The following CEBPZOS variants were observed in gnomAD, a reference collection of about 807,000 sequenced individuals.
CEBPZOS encodes protein CEBPZOS.
Under a neutral mutation model 4.8 loss-of-function variants are expected in CEBPZOS, and 10 were observed. That is an observed-to-expected ratio of 2.07 (90% CI 1.28 to 3.52). CEBPZOS has a LOEUF of 3.52. CEBPZOS is among the 30% of genes most tolerant of loss of function. CEBPZOS has a pLI of 0.00. For synonymous variants in CEBPZOS, 25 were observed against 14.2 expected, an observed-to-expected ratio of 1.77 and a Z score of -1.72; for missense variants, 98 against 43.6, an observed-to-expected ratio of 2.25 and a Z score of -3.51.
intron 1 of CEBPZOS, among the ~76,000 whole-genome samples, chr2:37,198,881 T>G (rs994290556): frequency 6.6e-6 from 1 of 152,172 alleles, no homozygotes; most frequent in Admixed American, 6.5e-5. Context: ...AAGGGCAGAT[T>G]ACTGGCTCAT....
chr2:37,201,150 A>T, intron 3 of CEBPZOS, 58 bp downstream of exon 3: 1 of 688,144 alleles, frequency 1.5e-6, no homozygotes, highest in South Asian at 1.6e-5. Flanking sequence ...TAACCTATAA[A>T]TTATGTAGTA....
Position 37,201,927 on chromosome 2 carries a change from A to T in CEBPZOS, c.*67A>T. On this transcript the variant is annotated 3_prime_UTR_variant, in exon 5 of 5. Transcript: ENST00000402297. ...ACCTTTGAGAGAAGAAGAAAAGATG[A>T]GTGTACTACCACACTGTAGACTCTT... The T allele has an allele frequency of 6.2e-7, 1 of 1,608,898 alleles. No homozygotes were observed.
chr2:37,215,759 C>T (rs1677851982), downstream of CEBPZOS, among the ~76,000 whole-genome samples: 1 of 151,966 alleles, frequency 6.6e-6, no homozygotes, highest in African/African-American at 2.4e-5. Flanking sequence ...TTTTGTGCTG[C>T]TAAGCTGATA....
intron 2 of CEBPZOS, among the ~76,000 whole-genome samples, 196 bp downstream of exon 2, chr2:37,200,015 T>A (rs934110335): frequency 6.6e-6 from 1 of 152,164 alleles, no homozygotes; most frequent in African/African-American, 2.4e-5. Context: ...CTTAAAAATG[T>A]TGTTTGTGGG....
At chr2:37,215,306 A>C (rs529355068), downstream of CEBPZOS, 1 of 162,944 alleles carries the variant, frequency 6.1e-6, no homozygotes, top group Non-Finnish European at 1.3e-5. Context: ...ATCACTTTAA[A>C]CTTGTCATTT....
At chr2:37,215,005 T>A (rs1677834138), downstream of CEBPZOS, 2 of 1,151,922 alleles carry the variant, frequency 1.7e-6, no homozygotes, top group African/African-American at 3.1e-5. Context: ...CCCTTTATGT[T>A]ACTCAAGCTC....
intron 1 of CEBPZOS, 115 bp from the exon 2 acceptor site, chr2:37,199,589 C>T: frequency 1.6e-6 from 1 of 624,394 alleles, no homozygotes; most frequent in South Asian, 2.0e-5. Context: ...ATTGGTCTTA[C>T]TCCCATACAG....
At chr2:37,216,151 C>A, downstream of CEBPZOS, 1 of 1,610,902 alleles carries the variant, frequency 6.2e-7, no homozygotes, top group South Asian at 1.1e-5. Flanking sequence ...AGGAAGATGA[C>A]GAATATCCTT....
downstream of CEBPZOS, among the ~76,000 whole-genome samples, chr2:37,207,932 T>G (rs999154991): frequency 1.3e-5 from 2 of 151,676 alleles, no homozygotes; most frequent in South Asian, 2.1e-4. Context: ...AGAGAGAAGA[T>G]CTGAATAAGC....
At chr2:37,214,038 C>T, downstream of CEBPZOS, 2 of 702,322 alleles carry the variant, frequency 2.8e-6, no homozygotes, top group South Asian at 5.1e-5. Context: ...GCACCTATGA[C>T]CAGTGGCAAA....
At chr2:37,209,382 G>T (rs753200258), downstream of CEBPZOS, 1 of 152,150 alleles carries the variant, frequency 6.6e-6, no homozygotes, top group African/African-American at 2.4e-5. Context: ...CTCATTACCT[G>T]ACTTCAAACT....
intron 4 of CEBPZOS, chr2:37,211,471 G>T (rs1157799302): frequency 8.7e-6 from 2 of 230,954 alleles, no homozygotes; most frequent in Non-Finnish European, 1.7e-5. Flanking sequence ...GGTGTTCCTT[G>T]CTAATTTACA....
In CEBPZOS at chr2:37,201,079, C is replaced by A. The variant is rs1321498276; in HGVS notation, c.147C>A (p.Pro49=). 2 of 716,094 alleles carry A rather than the reference C, an allele frequency of 2.8e-6. No homozygotes were observed. Among genetic ancestry groups the A allele is most frequent in the African/African-American group, 3.5e-5 (2 of 57,332 alleles). 44.4% of individuals were successfully genotyped at this position (716,094 alleles called of 1,614,324 possible). The stretch of plus-strand genomic sequence containing the variant: ...GGCAAACAATGAGCAAGAAATATCC[C>A]TTCATCTTGGAAGGTATGTTTTTCC... The part of the protein sequence containing the change: ...DFRQTMSKKY[P]FILEVYYKST... The change falls in exon 3 of 5, where the codon CCC becomes CCA. Residue 49 remains proline (P), a synonymous_variant. Transcript: ENST00000402297.
downstream of CEBPZOS, among the ~76,000 whole-genome samples, chr2:37,215,706 ATTAAGT>A (rs1677851001): frequency 6.6e-6 from 1 of 152,212 alleles, no homozygotes; most frequent in Non-Finnish European, 1.5e-5. Flanking sequence ...GAAGTAGGTT[ATTAAGT>A]TTAAAATGAT....
At chr2:37,212,097 T>C (rs1238747824) in intron 4 of CEBPZOS, 1 of 1,436,658 alleles carries the variant, frequency 7.0e-7, no homozygotes, top group Non-Finnish European at 9.4e-7. Flanking sequence ...AAGTAGTGTT[T>C]TGCTGACTAC....
At position 37,202,677 on chromosome 2, in the gene CEBPZOS, AAAAAAAAAAAAAAAAG is replaced by A; in HGVS notation, c.*820_*835del. 9.4e-6 allele frequency: 2 copies of A among 213,540 alleles called. No individual in the cohort carries two copies. The highest frequency in any genetic ancestry group is 1.7e-5 in the Non-Finnish European group (2 of 120,696). 13.2% of individuals were successfully genotyped at this position (213,540 alleles called of 1,614,324 possible). On this transcript the variant is annotated 3_prime_UTR_variant, in exon 5 of 5. Coordinates refer to ENST00000402297, the MANE Select transcript of CEBPZOS (RefSeq NM_001322374.2). The stretch of plus-strand genomic sequence containing the variant: ...AAAAAAAAAAAAAAAAAAAAAAAAA[AAAAAAAAAAAAAAAAG>A]AATAAATAAAATAACGAAAATTTCC...
intron 1 of CEBPZOS, among the ~76,000 whole-genome samples, chr2:37,198,111 G>C (rs181357318): frequency 2.0e-5 from 3 of 152,190 alleles, no homozygotes; most frequent in Admixed American, 2.0e-4. Flanking sequence ...AGTGAGCCAA[G>C]ATCGCGCCAC....
At chr2:37,211,324 A>T (rs1402387902) in intron 4 of CEBPZOS, 2 of 343,936 alleles carry the variant, frequency 5.8e-6, no homozygotes, top group East Asian at 9.1e-5. Flanking sequence ...TAATAAGACC[A>T]AATAATATAA....
chr2:37,212,609 G>C, intron 4 of CEBPZOS: 1 of 538,398 alleles, frequency 1.9e-6, no homozygotes, highest in South Asian at 2.7e-5. Flanking sequence ...GAAGGATCCA[G>C]TTAATTTCGG....
Sources: gnomAD v4.1 joint callset for allele counts (sites outside exome capture counted in the v4.1 genomes callset) on GRCh38, gnomAD v4.1.1 for gene constraint, MANE v1.5 for transcripts, NCBI Gene and HGNC (gene_info 2026-07-23, HGNC 2026-07-21) for gene names.